Variants in ACTR10 observed in about 807,000 individuals in gnomAD.
ACTR10 encodes actin-related protein 10.
In ACTR10, 43 loss-of-function variants were observed where a neutral mutation model predicts 56.2. The observed-to-expected ratio is 0.77, with a 90% CI of 0.60 to 0.99. The LOEUF (loss-of-function observed/expected upper bound fraction) is 0.99. ACTR10 is among the 50% of genes least tolerant of loss of function. ACTR10 has a pLI of 0.00. For synonymous variants in ACTR10, 170 were observed against 176.3 expected (o/e 0.96, Z 0.28); for missense variants, 466 against 507.8 (o/e 0.92, Z 0.79).
chr14:58,232,094 C>G lies in ACTR10; in HGVS notation c.899C>G (p.Ala300Gly), dbSNP rs1363956509. The G allele has an allele frequency of 4.3e-6, 7 of 1,613,676 alleles. No individual in the cohort carries two copies. The highest frequency in any genetic ancestry group is 5.9e-6 in the Non-Finnish European group (7 of 1,179,778). Reference protein sequence around the residue: ...QCPIDTRKQLAENLVVIGGTS... With the variant: ...QCPIDTRKQLGENLVVIGGTS... ...CCGATAGACACCAGGAAGCAACTAGCAGAGAATTTGGTAGTCATAGGTGGC... is the reference window on the plus strand; with the variant it reads ...CCGATAGACACCAGGAAGCAACTAGGAGAGAATTTGGTAGTCATAGGTGGC... Residue 300 changes from alanine (A) to glycine (G), a missense_variant, in exon 12 of 13, where the codon GCA (alanine) becomes GGA (glycine). Coordinates refer to ENST00000254286, the MANE Select transcript of ACTR10 (RefSeq NM_018477.3).
intron 1 of ACTR10, among the ~76,000 whole-genome samples, chr14:58,202,052 G>A (rs1407800495): frequency 2.6e-5 from 4 of 151,830 alleles, no homozygotes; most frequent in Middle Eastern, 6.8e-3. Flanking sequence ...GTTAATATGG[G>A]CAGAAGCTTA....
chr14:58,219,208 T>G (rs1055428741), intron 7 of ACTR10, among the ~76,000 whole-genome samples: 1 of 152,206 alleles, frequency 6.6e-6, no homozygotes, highest in Admixed American at 6.5e-5. Flanking sequence ...TTTATAACAA[T>G]GGTAATATAT....
chr14:58,224,176 T>C lies in ACTR10; in HGVS notation c.788+320T>C, dbSNP rs758098661. Among the ~76,000 whole-genome samples the C allele has an allele frequency of 7.2e-5, 11 of 152,018 alleles. No individual in the cohort carries two copies. In the South Asian group the frequency reaches 8.3e-4, roughly 11 times the overall value. Reference sequence around the variant, plus strand: ...CCACCATGCCTGGCTAATTTTTGTATTTTTTAGTAGAGACAGGTTTCCGCC... The same window carrying C: ...CCACCATGCCTGGCTAATTTTTGTACTTTTTAGTAGAGACAGGTTTCCGCC... On this transcript the variant is annotated intron_variant, in intron 10 of 12. Transcript: ENST00000254286.
At chr14:58,218,071 G>A (rs1889178598) in intron 7 of ACTR10, among the ~76,000 whole-genome samples, 1 of 152,088 alleles carries the variant, frequency 6.6e-6, no homozygotes. Context: ...TCTACTCTTA[G>A]CTAAATTAAA....
At chr14:58,233,015 C>T (rs894029123) in intron 12 of ACTR10, among the ~76,000 whole-genome samples, 3 of 151,772 alleles carry the variant, frequency 2.0e-5, no homozygotes, top group East Asian at 1.9e-4. Context: ...GGATTATAGG[C>T]GCCCGCCACC....
At position 58,232,509 on chromosome 14, in the gene ACTR10, G is replaced by A. The variant is rs569761783; in HGVS notation, c.1072+242G>A. On this transcript the variant is annotated intron_variant, in intron 12 of 12. Transcript: ENST00000254286. ...CGGCTCACTGCAGCTTCCGCCTCCCGGGTTCAAGCAATTCTGCTGCCTCAG... is the reference window on the plus strand; with the variant it reads ...CGGCTCACTGCAGCTTCCGCCTCCCAGGTTCAAGCAATTCTGCTGCCTCAG... Among the ~76,000 whole-genome samples, 11 of 140,888 alleles carry A rather than the reference G, an allele frequency of 7.8e-5. No homozygotes were observed. The East Asian group carries it at 1.9e-3, about 24-fold the overall frequency. 92.4% of individuals were successfully genotyped at this position (140,888 alleles called of 152,430 possible).
At chr14:58,232,025 C>T (rs777396094) in intron 11 of ACTR10, 41 bp from the exon 12 acceptor site, 1 of 1,339,034 alleles carries the variant, frequency 7.5e-7, no homozygotes, top group South Asian at 1.3e-5. Context: ...ATTATTTGTA[C>T]AGTTCAGAAT....
chr14:58,222,764 G>GAAAAAAAAAAAAAAAAAAAAAAAAAAA (rs58412717), intron 8 of ACTR10, among the ~76,000 whole-genome samples: 3 of 76,342 alleles, frequency 3.9e-5, no homozygotes, highest in Non-Finnish European at 2.6e-5. Context: ...GACTCTGTCA[G>GAAAAAAAAAAAAAAAAAAAAAAAAAAA]AAAAAAAAAA....
At chr14:58,210,006 A>G (rs145909203) in intron 4 of ACTR10, among the ~76,000 whole-genome samples, 58 of 152,304 alleles carry the variant, frequency 3.8e-4, no homozygotes, top group African/African-American at 1.4e-3. Context: ...TACTGATGTC[A>G]TGAGTCCAGG....
At chr14:58,226,407 G>A (rs1056121066) in intron 10 of ACTR10, among the ~76,000 whole-genome samples, 33 of 148,786 alleles carry the variant, frequency 2.2e-4, no homozygotes, top group African/African-American at 8.0e-4. Context: ...ACCGCCCTGG[G>A]CTCCCCATCT....
Position 58,235,319 on chromosome 14 carries a change from G to C in ACTR10, c.*768G>C, listed in dbSNP as rs1889653434. On this transcript the variant is annotated 3_prime_UTR_variant, in exon 13 of 13. Coordinates refer to ENST00000254286, the MANE Select transcript of ACTR10 (RefSeq NM_018477.3). ...TGGGTGTCCATATTATAATAATGTT[G>C]TTTTTCCAGAAATATATTTGATCTT... is the stretch of plus-strand genomic sequence containing the variant. The C allele has an allele frequency of 6.6e-6, 1 of 151,982 alleles. No homozygotes were observed. Among genetic ancestry groups the C allele is most frequent in the Non-Finnish European group, 1.5e-5 (1 of 68,012 alleles). 9.4% of individuals were successfully genotyped at this position (151,982 alleles called of 1,614,324 possible).
intron 5 of ACTR10, among the ~76,000 whole-genome samples, chr14:58,211,823 G>A (rs1322115020): frequency 6.6e-6 from 1 of 151,834 alleles, no homozygotes; most frequent in East Asian, 1.9e-4. Flanking sequence ...CTCTGTAGTC[G>A]CAGCTACTCA....
intron 4 of ACTR10, 92 bp downstream of exon 4, chr14:58,209,199 CT>C (rs954405308): frequency 1.1e-3 from 979 of 886,310 alleles, no homozygotes; most frequent in East Asian, 1.7e-3. Context: ...TCTTTCTTCT[CT>C]TTTTTTTTGT....
intron 10 of ACTR10, among the ~76,000 whole-genome samples, chr14:58,226,999 T>C (rs1409164777): frequency 1.3e-5 from 2 of 152,180 alleles, no homozygotes; most frequent in Non-Finnish European, 2.9e-5. Context: ...AAAGGGTTAT[T>C]TAAAGGAAAG....
At chr14:58,204,932 A>G (rs773582314) in intron 2 of ACTR10, among the ~76,000 whole-genome samples, 12 of 152,158 alleles carry the variant, frequency 7.9e-5, no homozygotes, top group Non-Finnish European at 1.8e-4. Flanking sequence ...ATTTGGTTTT[A>G]TAAAAACACA....
At chr14:58,231,198 A>G (rs1889524602) in intron 11 of ACTR10, 1 of 196,584 alleles carries the variant, frequency 5.1e-6, no homozygotes, top group African/African-American at 2.4e-5. Flanking sequence ...GATTACAGGC[A>G]TGTGCCACCA....
Position 58,227,963 on chromosome 14 carries a change from G to A in ACTR10, c.789-2436G>A, listed in dbSNP as rs1034673151. ...ATTTAAAAGAAGTTCAAGGCTGGGC[G>A]CAGTGGCTCACACCTGTAATCCCAG... On this transcript the variant is annotated intron_variant, in intron 10 of 12. Coordinates refer to ENST00000254286, the MANE Select transcript of ACTR10 (RefSeq NM_018477.3). Among the ~76,000 whole-genome samples, 53 of 152,258 alleles carry A rather than the reference G, an allele frequency of 3.5e-4. 1 individual carries two copies. The highest frequency in any genetic ancestry group is 1.6e-4 in the Non-Finnish European group (11 of 68,020).
In ACTR10 at chr14:58,225,033, C is replaced by G. The variant is rs559768495; in HGVS notation, c.788+1177C>G. On this transcript the variant is annotated intron_variant, in intron 10 of 12. Coordinates refer to ENST00000254286, the MANE Select transcript of ACTR10 (RefSeq NM_018477.3). ...CTCAGGCTTTATGGGTCCATATGGTCTCTGTTGCAACTACTCAACTCTATA... is the reference window on the plus strand; with the variant it reads ...CTCAGGCTTTATGGGTCCATATGGTGTCTGTTGCAACTACTCAACTCTATA... Among the ~76,000 whole-genome samples the G allele has an allele frequency of 1.8e-3, 270 of 151,816 alleles. 3 individuals are homozygous for G. The highest frequency in any genetic ancestry group is 3.4e-3 in the Non-Finnish European group (230 of 67,966).
chr14:58,226,560 C>T (rs1889405568), intron 10 of ACTR10, among the ~76,000 whole-genome samples: 1 of 151,508 alleles, frequency 6.6e-6, no homozygotes, highest in African/African-American at 2.4e-5. Flanking sequence ...CGTTTACTAA[C>T]ATGTTTTTTG....
Sources: gnomAD v4.1 joint callset for allele counts (sites outside exome capture counted in the v4.1 genomes callset) on GRCh38, gnomAD v4.1.1 for gene constraint, MANE v1.5 for transcripts, NCBI Gene and HGNC (gene_info 2026-07-23, HGNC 2026-07-21) for gene names.